Variants in RBM26 observed in about 807,000 individuals in gnomAD.
RBM26 encodes RNA binding motif protein 26.
Under a neutral mutation model 123.6 loss-of-function variants are expected in RBM26, and 30 were observed. That is an observed-to-expected ratio of 0.24 (90% CI 0.18 to 0.33). The LOEUF (loss-of-function observed/expected upper bound fraction) is 0.33. Ranked by LOEUF, RBM26 falls within the 10% of genes least tolerant of loss-of-function variation. The probability of loss-of-function intolerance (pLI) is 1.00; values close to 1 mark genes in which losing one functional copy is unlikely to be tolerated. For synonymous variants in RBM26, 400 were observed against 404.4 expected (o/e 0.99, Z 0.13); for missense variants, 947 against 1,203.6 (o/e 0.79, Z 3.15).
intron 1 of RBM26, among the ~76,000 whole-genome samples, chr13:79,392,681 C>T (rs768518788): frequency 2.7e-5 from 4 of 150,508 alleles, no homozygotes; most frequent in Non-Finnish European, 4.4e-5. Flanking sequence ...CATTCCACCT[C>T]GGGCTGGATG....
rs755578290 is a variant in RBM26, at chr13:79,377,451, TGGA to T, written c.252_254del (p.Pro85del). The T allele has an allele frequency of 1.9e-6, 3 of 1,612,950 alleles. No individual in the cohort carries two copies. The South Asian group carries it at 3.3e-5, about 18-fold the overall frequency. ...TCAGGCTTCCTGATGATGGCTGCTC[TGGA>T]GGAGGTAGGTAACTCTTTGTATTCA... On this transcript the variant is annotated inframe_deletion, in exon 3 of 22. Transcript: ENST00000438737.
chr13:79,384,409 AACTAC>A (rs1418232408), intron 1 of RBM26, among the ~76,000 whole-genome samples: 2 of 152,030 alleles, frequency 1.3e-5, no homozygotes, highest in Non-Finnish European at 2.9e-5. Flanking sequence ...AGGTGCACAC[AACTAC>A]ACCTGGCTAA....
intron 18 of RBM26, among the ~76,000 whole-genome samples, chr13:79,340,732 C>T (rs1200683195): frequency 6.6e-6 from 1 of 151,882 alleles, no homozygotes; most frequent in East Asian, 1.9e-4. Context: ...AAATAGTTCT[C>T]AATATAGTTC....
intron 1 of RBM26, among the ~76,000 whole-genome samples, chr13:79,397,597 G>A (rs551585946): frequency 4.1e-5 from 6 of 146,626 alleles, no homozygotes; most frequent in Admixed American, 1.4e-4. Flanking sequence ...CAGGAGAATC[G>A]CGTGAACCCG....
intron 2 of RBM26, 78 bp from the exon 3 acceptor site, chr13:79,377,593 A>G: frequency 9.1e-7 from 1 of 1,097,744 alleles, no homozygotes; most frequent in Non-Finnish European, 1.3e-6. Flanking sequence ...TCTTATCTCT[A>G]ATATGATGAA....
At chr13:79,375,636 T>C (rs186400996) in intron 3 of RBM26, among the ~76,000 whole-genome samples, 3 of 152,164 alleles carry the variant, frequency 2.0e-5, no homozygotes, top group African/African-American at 4.8e-5. Flanking sequence ...AGGTATGAAA[T>C]AGGTTCAGTT....
rs147536982 is a variant in RBM26 at position 79,361,626 on chromosome 13, G to A, written c.1418-1940C>T. 6.9e-3 allele frequency among the ~76,000 whole-genome samples: 1,050 copies of A among 152,164 alleles called. 46 individuals carry two copies. Among genetic ancestry groups the A allele is most frequent in the Non-Finnish European group, 1.6e-3 (112 of 67,980 alleles). On this transcript the variant is annotated intron_variant, in intron 9 of 21. Transcript: ENST00000438737. ...TACTGGACCTCTCAGGAGAATTTGC[G>A]GCTGTTGATCATCTTCTTTTCCATC...
intron 1 of RBM26, among the ~76,000 whole-genome samples, chr13:79,381,422 CATTATGATACATAATAATATT>C (rs2077061378): frequency 1.3e-5 from 1 of 76,400 alleles, no homozygotes; most frequent in Non-Finnish European, 2.6e-5. Flanking sequence ...TACTGGAAAT[CATTATGATACATAATAATATT>C]ATTATGTTTT....
chr13:79,345,924 T>A (rs1296502723), intron 14 of RBM26, among the ~76,000 whole-genome samples: 1 of 152,208 alleles, frequency 6.6e-6, no homozygotes, highest in Non-Finnish European at 1.5e-5. Flanking sequence ...GGTGACTGGT[T>A]ACTGGTTCTT....
chr13:79,384,555 G>A (rs1594612746), intron 1 of RBM26, among the ~76,000 whole-genome samples: 2 of 152,246 alleles, frequency 1.3e-5, no homozygotes, highest in East Asian at 3.9e-4. Context: ...ATAGTGCCCA[G>A]CTGGCATCTT....
intron 16 of RBM26, among the ~76,000 whole-genome samples, chr13:79,343,396 T>C (rs1435854203): frequency 2.0e-5 from 3 of 151,892 alleles, no homozygotes; most frequent in Non-Finnish European, 4.4e-5. Flanking sequence ...TTATTGTAGG[T>C]TTCCTGAATT....
At chr13:79,322,262 TG>T in intron 21 of RBM26, 86 bp downstream of exon 21, 1 of 828,530 alleles carries the variant, frequency 1.2e-6, no homozygotes, top group Non-Finnish European at 1.8e-6. Context: ...AAAAGTTTTA[TG>T]TTAAAATCAC....
intron 5 of RBM26, among the ~76,000 whole-genome samples, chr13:79,370,360 T>C (rs1201227749): frequency 6.6e-6 from 1 of 152,168 alleles, no homozygotes. Context: ...TACATATGTA[T>C]TGTCCTGCTT....
intron 5 of RBM26, among the ~76,000 whole-genome samples, chr13:79,370,664 A>C (rs994743487): frequency 1.3e-5 from 2 of 152,226 alleles, no homozygotes; most frequent in African/African-American, 4.8e-5. Context: ...ATACTGCCAA[A>C]ATGTTTTCCA....
chr13:79,394,398 G>A (rs1423167545), intron 1 of RBM26, among the ~76,000 whole-genome samples: 1 of 152,136 alleles, frequency 6.6e-6, no homozygotes, highest in Non-Finnish European at 1.5e-5. Flanking sequence ...CAAGCCCTAA[G>A]TCCTCTAGAG....
chr13:79,354,420 C>A lies in RBM26; in HGVS notation c.1986+19G>T, dbSNP rs771539786. 12 of 1,528,610 alleles carry A rather than the reference C, an allele frequency of 7.9e-6. No homozygotes were observed. Among genetic ancestry groups the A allele is most frequent in the Admixed American group, 1.9e-5 (1 of 53,218 alleles). The allele number at this position is 1,528,610 out of a possible 1,614,324, so 94.7% of individuals were successfully genotyped here. On this transcript the variant is annotated intron_variant, in intron 13 of 21. Transcript: ENST00000438737. ...ACTGAGAACCTATTACGGGCACAAT[C>A]GTAAGACCTTTGCTTTACCTGAGGA... is the stretch of plus-strand genomic sequence containing the variant.
At chr13:79,374,588 A>G (rs956047025) in intron 3 of RBM26, among the ~76,000 whole-genome samples, 6 of 152,196 alleles carry the variant, frequency 3.9e-5, no homozygotes, top group Admixed American at 3.9e-4. Context: ...GCATTCTTTC[A>G]ACAGTTTGCC....
intron 3 of RBM26, among the ~76,000 whole-genome samples, chr13:79,372,804 ATG>A (rs1177120040): frequency 1.1e-5 from 1 of 93,994 alleles, no homozygotes; most frequent in African/African-American, 4.7e-5. Context: ...TTATAATTAT[ATG>A]ATATATATTT....
chr13:79,365,969 T>C, intron 8 of RBM26, 86 bp downstream of exon 8: 4 of 1,334,504 alleles, frequency 3.0e-6, no homozygotes, highest in Non-Finnish European at 4.2e-6. Context: ...AAAGTAGTCC[T>C]CACAGAGCAA....
Sources: allele counts gnomAD v4.1 joint callset (sites outside exome capture counted in the v4.1 genomes callset), GRCh38; gene constraint gnomAD v4.1.1; transcripts MANE v1.5; gene names NCBI Gene and HGNC (gene_info 2026-07-23, HGNC 2026-07-21).